PPP2R2B: variants seen among roughly 807,000 people sequenced by gnomAD.
The protein encoded by PPP2R2B is serine/threonine-protein phosphatase 2A 55 kDa regulatory subunit B beta isoform.
Under a neutral mutation model 46.0 loss-of-function variants are expected in PPP2R2B, and 5 were observed. The ratio of observed to expected loss-of-function variants is 0.11; its 90% CI spans 0.06 to 0.23. PPP2R2B has a LOEUF of 0.23. PPP2R2B is among the 10% of genes least tolerant of loss of function. PPP2R2B has a pLI of 1.00. For missense variants in PPP2R2B, 367 were observed against 575.0 expected, an observed-to-expected ratio of 0.64 and a Z score of 3.70; for synonymous variants, 215 against 206.7, an observed-to-expected ratio of 1.04 and a Z score of -0.34.
chr5:146,726,827 A>G (rs1751899683), intron 2 of PPP2R2B, among the ~76,000 whole-genome samples: 1 of 152,196 alleles, frequency 6.6e-6, no homozygotes. Flanking sequence ...CTCCTGGGGA[A>G]TCATCAGGAT....
At position 146,955,774 on chromosome 5, in the gene PPP2R2B, CTT is replaced by C. The variant is rs5872000; in HGVS notation, c.79+99889_79+99890del. On this transcript the variant is annotated intron_variant, in intron 1 of 8. Transcript: ENST00000336640. ...ATTAACAATAGTCTTCTTTCTATTA[CTT>C]TTTTTTTTTTTTTTTTTTTTGAGAC... Among the ~76,000 whole-genome samples, 837 of 115,634 alleles carry C rather than the reference CTT, an allele frequency of 7.2e-3. 5 individuals carry two copies. The highest frequency in any genetic ancestry group is 0.026 in the African/African-American group (746 of 29,212). 75.9% of individuals were successfully genotyped at this position (115,634 alleles called of 152,430 possible). A position where few individuals can be genotyped will look rare whatever the true frequency, so the allele number is the denominator to read the frequency against.
intron 1 of PPP2R2B, among the ~76,000 whole-genome samples, chr5:146,981,341 A>G (rs1350603587): frequency 1.3e-5 from 2 of 152,058 alleles, no homozygotes; most frequent in Admixed American, 1.3e-4. Context: ...TTTACTCTTC[A>G]ATGAGAGTTT....
chr5:146,669,424 T>C (rs191498092), intron 5 of PPP2R2B, among the ~76,000 whole-genome samples: 1 of 152,226 alleles, frequency 6.6e-6, no homozygotes, highest in Non-Finnish European at 1.5e-5. Context: ...TAAGGAAGTA[T>C]ATTTTTCACA....
intron 5 of PPP2R2B, among the ~76,000 whole-genome samples, chr5:146,655,064 G>A (rs1254259325): frequency 6.6e-6 from 1 of 152,176 alleles, no homozygotes; most frequent in South Asian, 2.1e-4. Flanking sequence ...TCCTTGGCCT[G>A]TCTGCAGGTG....
chr5:146,624,701 A>G (rs551119234), intron 7 of PPP2R2B, among the ~76,000 whole-genome samples: 3 of 152,222 alleles, frequency 2.0e-5, no homozygotes, highest in African/African-American at 4.8e-5. Context: ...ACTCCTTACC[A>G]TTGCCTACAG....
intron 5 of PPP2R2B, 30 bp from the exon 6 acceptor site, chr5:146,650,754 G>C: frequency 6.3e-7 from 1 of 1,593,458 alleles, no homozygotes; most frequent in Non-Finnish European, 8.6e-7. Context: ...AATCACTTCA[G>C]AACCAAAGAT....
At chr5:146,704,957 G>A (rs1328696033) in intron 2 of PPP2R2B, among the ~76,000 whole-genome samples, 1 of 152,144 alleles carries the variant, frequency 6.6e-6, no homozygotes, top group African/African-American at 2.4e-5. Context: ...TTGAGTTGAG[G>A]CAGGCACCTG....
At chr5:146,880,768 G>T (rs1186086022), upstream of PPP2R2B, among the ~76,000 whole-genome samples, 3 of 152,076 alleles carry the variant, frequency 2.0e-5, no homozygotes, top group African/African-American at 4.8e-5. Context: ...GAGTCTCTGG[G>T]TTTATTTATT....
At chr5:146,663,561 G>A (rs1224399511) in intron 5 of PPP2R2B, among the ~76,000 whole-genome samples, 3 of 152,110 alleles carry the variant, frequency 2.0e-5, no homozygotes, top group African/African-American at 7.2e-5. Context: ...AATAAAGTTG[G>A]ACAAATTTTT....
chr5:146,875,748 A>G (rs1761862621), intron 2 of PPP2R2B, among the ~76,000 whole-genome samples: 1 of 152,242 alleles, frequency 6.6e-6, no homozygotes, highest in South Asian at 2.1e-4. Flanking sequence ...CCACCCAGTA[A>G]GAGGGTATAA....
At chr5:146,748,586 A>T (rs563836072) in intron 2 of PPP2R2B, among the ~76,000 whole-genome samples, 2 of 152,360 alleles carry the variant, frequency 1.3e-5, no homozygotes, top group Non-Finnish European at 2.9e-5. Context: ...AATGGAGAAC[A>T]GATTAGTGGT....
At chr5:147,000,271 C>A (rs1297385170) in intron 1 of PPP2R2B, among the ~76,000 whole-genome samples, 1 of 152,128 alleles carries the variant, frequency 6.6e-6, no homozygotes, top group African/African-American at 2.4e-5. Context: ...GGATGAGTGC[C>A]TCATTCACTT....
At chr5:146,906,624 TTTC>T (rs1189165244) in intron 1 of PPP2R2B, among the ~76,000 whole-genome samples, 2 of 152,158 alleles carry the variant, frequency 1.3e-5, no homozygotes, top group Admixed American at 1.3e-4. Flanking sequence ...ACCTGGCCTT[TTTC>T]TTTTATTTTT....
At chr5:146,609,230 G>T (rs1012974086) in intron 7 of PPP2R2B, among the ~76,000 whole-genome samples, 8 of 152,140 alleles carry the variant, frequency 5.3e-5, no homozygotes, top group Non-Finnish European at 8.8e-5. Flanking sequence ...ATATGACAGA[G>T]CCACCGCTAG....
intron 5 of PPP2R2B, among the ~76,000 whole-genome samples, chr5:146,685,870 C>T (rs1778467705): frequency 1.3e-5 from 2 of 152,140 alleles, no homozygotes; most frequent in African/African-American, 4.8e-5. Context: ...AAAGGCTCTG[C>T]AGCCCTCACC....
chr5:146,730,200 C>A (rs189349401), intron 2 of PPP2R2B, among the ~76,000 whole-genome samples: 3 of 152,322 alleles, frequency 2.0e-5, no homozygotes, highest in African/African-American at 7.2e-5. Context: ...GGATTTCAGA[C>A]ACTTGCATAG....
At chr5:146,655,499 C>T (rs11952352) in intron 5 of PPP2R2B, among the ~76,000 whole-genome samples, 8,214 of 152,238 alleles carry the variant, frequency 0.054, 344 homozygotes, top group East Asian at 0.21. Flanking sequence ...TTAAACACTT[C>T]AGCAGTTCCT....
chr5:146,692,653 C>T lies in PPP2R2B; in HGVS notation c.335-1413G>A, dbSNP rs369110823. 3.1e-4 allele frequency among the ~76,000 whole-genome samples: 47 copies of T among 151,740 alleles called. No individual in the cohort carries two copies. The East Asian group carries it at 3.5e-3, about 11-fold the overall frequency. On this transcript the variant is annotated intron_variant, in intron 4 of 9. Coordinates refer to ENST00000394411, the MANE Select transcript of PPP2R2B (RefSeq NM_181675.4). ...GGTTCATGACATTCTCCTACCTCAG[C>T]CTCCTGAGTAGGTGGGACTACAGGC...
At chr5:146,980,692 C>G (rs1753129339) in intron 1 of PPP2R2B, among the ~76,000 whole-genome samples, 1 of 152,070 alleles carries the variant, frequency 6.6e-6, no homozygotes, top group Non-Finnish European at 1.5e-5. Context: ...GTAATGTGGT[C>G]TCTGTTATAT....
Sources: allele counts gnomAD v4.1 joint callset (sites outside exome capture counted in the v4.1 genomes callset), GRCh38; gene constraint gnomAD v4.1.1; transcripts MANE v1.5; gene names NCBI Gene and HGNC (gene_info 2026-07-23, HGNC 2026-07-21).